The following OSTF1 variants were observed in gnomAD, a reference collection of about 807,000 sequenced individuals.
OSTF1 encodes the protein osteoclast stimulating factor 1, also known as osteoclast-stimulating factor 1.
OSTF1 carries 27 observed loss-of-function variants against 37.2 expected under a neutral mutation model. That is an observed-to-expected ratio of 0.73 (90% CI 0.54 to 1.00). OSTF1 has a LOEUF of 1.00. Ranked by LOEUF, OSTF1 falls within the 50% of genes least tolerant of loss-of-function variation. The pLI is 0.00. For synonymous variants in OSTF1, 82 were observed against 89.2 expected (o/e 0.92, Z 0.46); for missense variants, 232 against 253.8 (o/e 0.91, Z 0.58).
chr9:75,113,763 A>G (rs1250059789), intron 1 of OSTF1, among the ~76,000 whole-genome samples: 1 of 152,200 alleles, frequency 6.6e-6, no homozygotes, highest in African/African-American at 2.4e-5. Context: ...AAATCAAGCT[A>G]ATTAACATGT....
chr9:75,104,036 T>G (rs1825241727), intron 1 of OSTF1, among the ~76,000 whole-genome samples: 1 of 152,074 alleles, frequency 6.6e-6, no homozygotes, highest in South Asian at 2.1e-4. Flanking sequence ...AAGGGCAGCC[T>G]GTGCAACATG....
At chr9:75,135,518 T>G (rs1825828710) in intron 7 of OSTF1, among the ~76,000 whole-genome samples, 1 of 152,206 alleles carries the variant, frequency 6.6e-6, no homozygotes, top group Admixed American at 6.5e-5. Flanking sequence ...GGAATGCCCA[T>G]TAGTAGGATG....
At chr9:75,098,363 A>G (rs10123421) in intron 1 of OSTF1, among the ~76,000 whole-genome samples, 45,310 of 152,098 alleles carry the variant, frequency 0.3, 6,939 homozygotes, top group African/African-American at 0.33. Flanking sequence ...GGAAGGGGGC[A>G]TAATGTACTA....
chr9:75,114,402 A>G (rs1389098583), intron 1 of OSTF1, among the ~76,000 whole-genome samples: 1 of 152,152 alleles, frequency 6.6e-6, no homozygotes, highest in Non-Finnish European at 1.5e-5. Flanking sequence ...ATTAAAAATC[A>G]ATTTATCAGT....
chr9:75,108,486 T>A (rs1441101496), intron 1 of OSTF1, among the ~76,000 whole-genome samples: 5 of 151,998 alleles, frequency 3.3e-5, no homozygotes, highest in Non-Finnish European at 2.9e-5. Flanking sequence ...TGATTATTCA[T>A]TGTTGGAGGA....
intron 9 of OSTF1, among the ~76,000 whole-genome samples, chr9:75,146,302 C>T (rs1444188640): frequency 1.3e-5 from 2 of 152,218 alleles, no homozygotes; most frequent in East Asian, 1.9e-4. Flanking sequence ...AACGTCCTAC[C>T]TAGTGACTTT....
intron 1 of OSTF1, among the ~76,000 whole-genome samples, chr9:75,090,524 G>T (rs1824953649): frequency 6.6e-6 from 1 of 152,098 alleles, no homozygotes; most frequent in South Asian, 2.1e-4. Flanking sequence ...CCTTGATTCA[G>T]GATAAAGGGA....
intron 9 of OSTF1, among the ~76,000 whole-genome samples, chr9:75,146,196 C>T (rs1275112512): frequency 6.6e-6 from 1 of 152,246 alleles, no homozygotes; most frequent in African/African-American, 2.4e-5. Context: ...TTTTCCCCCC[C>T]ATTTCAGCCT....
intron 1 of OSTF1, among the ~76,000 whole-genome samples, chr9:75,110,813 T>G (rs1238422577): frequency 1.3e-5 from 2 of 151,982 alleles, no homozygotes; most frequent in African/African-American, 4.8e-5. Flanking sequence ...TGGGTTCAAG[T>G]AGTCCTCCCA....
chr9:75,133,320 T>C lies in OSTF1; in HGVS notation c.277T>C (p.Leu93=), dbSNP rs1250310358. Residue 93 remains leucine (L), a synonymous_variant, in exon 6 of 10, where the codon TTG becomes CTG. Transcript: ENST00000346234. ...CAACTTGAGCTGGTTGAGAGAGTGT[T>C]TGGACAACAGAGTGGGTGTTAATGG... ...RGNLSWLREC[L]DNRVGVNGLD... The C allele has an allele frequency of 6.2e-7, 1 of 1,612,374 alleles. No individual in the cohort carries two copies. The highest frequency in any genetic ancestry group is 8.5e-7 in the Non-Finnish European group (1 of 1,178,558).
intron 1 of OSTF1, among the ~76,000 whole-genome samples, chr9:75,095,186 C>T (rs1359530036): frequency 1.3e-5 from 2 of 152,170 alleles, no homozygotes; most frequent in African/African-American, 4.8e-5. Flanking sequence ...CAAATAGTCT[C>T]CCAATAGTAT....
At chr9:75,134,244 A>C in intron 6 of OSTF1, 102 bp from the exon 7 acceptor site, 1 of 514,092 alleles carries the variant, frequency 1.9e-6, no homozygotes, top group East Asian at 3.3e-5. Context: ...ATTTTCTTGA[A>C]GGTTCTTCTG....
At chr9:75,145,098 TATCA>T (rs923482761) in intron 9 of OSTF1, among the ~76,000 whole-genome samples, 4 of 152,188 alleles carry the variant, frequency 2.6e-5, no homozygotes, top group South Asian at 4.1e-4. Flanking sequence ...AGGTTCATTC[TATCA>T]ATCAATCAAT....
intron 1 of OSTF1, among the ~76,000 whole-genome samples, chr9:75,105,276 A>G (rs1177108428): frequency 6.6e-6 from 1 of 152,174 alleles, no homozygotes; most frequent in Non-Finnish European, 1.5e-5. Context: ...TTGCAAAAAG[A>G]GGACTACAAG....
intron 1 of OSTF1, among the ~76,000 whole-genome samples, chr9:75,105,616 C>A (rs994552537): frequency 6.6e-6 from 1 of 151,522 alleles, no homozygotes; most frequent in African/African-American, 2.4e-5. Flanking sequence ...TTGCCTTTTG[C>A]GGAGGTGGCA....
At chr9:75,141,223 C>G (rs1016112356) in intron 9 of OSTF1, among the ~76,000 whole-genome samples, 2 of 149,408 alleles carry the variant, frequency 1.3e-5, no homozygotes, top group Non-Finnish European at 3.0e-5. Flanking sequence ...TCACTTGAGC[C>G]CTGGGAGGTT....
intron 1 of OSTF1, among the ~76,000 whole-genome samples, chr9:75,099,656 C>G (rs931980360): frequency 7.2e-5 from 11 of 152,072 alleles, no homozygotes; most frequent in Admixed American, 6.6e-4. Flanking sequence ...AGTGAAACCC[C>G]GCCTCTACTG....
In OSTF1 at chr9:75,147,003, A is replaced by T. The variant is rs1826036705; in HGVS notation, c.*262A>T. 1.3e-5 allele frequency: 2 copies of T among 152,450 alleles called. No individual in the cohort carries two copies. Among genetic ancestry groups the T allele is most frequent in the South Asian group, 2.1e-4 (1 of 4,656 alleles). The allele number at this position is 152,450 out of a possible 1,614,324, so 9.4% of individuals were successfully genotyped here. The stretch of plus-strand genomic sequence containing the variant: ...TTTATCAAGCAAAAGGAATTTTAAG[A>T]TTTTTTTTTTTCTTTAAAAACAAAT... On this transcript the variant is annotated 3_prime_UTR_variant, in exon 10 of 10. Coordinates refer to ENST00000346234, the MANE Select transcript of OSTF1 (RefSeq NM_012383.5).
chr9:75,145,169 ATCT>A lies in OSTF1; in HGVS notation c.587-1513_587-1511del, dbSNP rs1452630940. Among the ~76,000 whole-genome samples the A allele has an allele frequency of 8.2e-3, 502 of 61,534 alleles. 2 individuals are homozygous for A. The highest frequency in any genetic ancestry group is 0.047 in the African/African-American group (417 of 8,960). The allele number at this position is 61,534 out of a possible 152,430, so 40.4% of individuals were successfully genotyped here. ...TATCTATCTATCTATCTACCTATCT[ATCT>A]ATCTAATCTATCTATCGGTTTGATC... On this transcript the variant is annotated intron_variant, in intron 9 of 9. Coordinates refer to ENST00000346234, the MANE Select transcript of OSTF1 (RefSeq NM_012383.5).
Sources: gnomAD v4.1 joint callset for allele counts (sites outside exome capture counted in the v4.1 genomes callset) on GRCh38, gnomAD v4.1.1 for gene constraint, MANE v1.5 for transcripts, NCBI Gene and HGNC (gene_info 2026-07-23, HGNC 2026-07-21) for gene names.